UVRAG: variants seen among roughly 807,000 people sequenced by gnomAD.
UVRAG encodes the protein UV radiation resistance associated, also known as UV radiation resistance-associated gene protein.
UVRAG carries 19 observed loss-of-function variants against 78.0 expected under a neutral mutation model. The ratio of observed to expected loss-of-function variants is 0.24; its 90% CI spans 0.17 to 0.36. The LOEUF (loss-of-function observed/expected upper bound fraction) is 0.36, where lower values mean the gene tolerates loss of function less well. Ranked by LOEUF, UVRAG falls within the 10% of genes least tolerant of loss-of-function variation. The probability of loss-of-function intolerance (pLI) is 1.00; values close to 1 mark genes in which losing one functional copy is unlikely to be tolerated. For synonymous variants in UVRAG, 323 were observed against 324.6 expected (o/e 1.00, Z 0.05); for missense variants, 740 against 853.8 (o/e 0.87, Z 1.66).
At chr11:75,834,962 C>T (rs755611125) in intron 1 of UVRAG, among the ~76,000 whole-genome samples, 15 of 152,226 alleles carry the variant, frequency 9.9e-5, no homozygotes, top group Non-Finnish European at 1.6e-4. Context: ...ATGTGAGCCA[C>T]CATGCCCGAC....
intron 13 of UVRAG, among the ~76,000 whole-genome samples, chr11:76,067,746 A>G (rs1476252788): frequency 1.3e-5 from 2 of 151,886 alleles, no homozygotes; most frequent in African/African-American, 4.9e-5. Flanking sequence ...GTGACAGAGC[A>G]AGATTCTGTC....
intron 7 of UVRAG, among the ~76,000 whole-genome samples, chr11:75,963,892 C>T (rs114312065): frequency 0.013 from 1,983 of 152,218 alleles, 41 homozygotes; most frequent in African/African-American, 0.045. Context: ...AACTCCTGGC[C>T]TCAAGTGGTC....
intron 6 of UVRAG, among the ~76,000 whole-genome samples, chr11:75,918,903 C>CTGT (rs1396355221): frequency 6.6e-6 from 1 of 152,194 alleles, no homozygotes; most frequent in African/African-American, 2.4e-5. Flanking sequence ...GAGCCTTCAG[C>CTGT]TGTTGCTTTC....
intron 8 of UVRAG, among the ~76,000 whole-genome samples, chr11:75,990,925 C>T (rs547158927): frequency 2.6e-5 from 4 of 152,212 alleles, no homozygotes; most frequent in Admixed American, 1.3e-4. Flanking sequence ...ATGAAAGCAT[C>T]GTACTTATGC....
chr11:75,957,587 G>A (rs967985839), intron 6 of UVRAG, among the ~76,000 whole-genome samples: 1 of 151,820 alleles, frequency 6.6e-6, no homozygotes, highest in East Asian at 1.9e-4. Context: ...AAATCCTTTG[G>A]GACCGTGATT....
At chr11:75,948,747 C>A (rs763592948) in intron 6 of UVRAG, among the ~76,000 whole-genome samples, 5 of 151,988 alleles carry the variant, frequency 3.3e-5, no homozygotes, top group Non-Finnish European at 5.9e-5. Context: ...ATGAAAGGAA[C>A]TGTGTAGGCA....
intron 6 of UVRAG, among the ~76,000 whole-genome samples, chr11:75,919,489 T>C (rs1328256002): frequency 6.6e-6 from 1 of 151,356 alleles, no homozygotes; most frequent in Non-Finnish European, 1.5e-5. Flanking sequence ...TGTTATACTC[T>C]TTGATTCTGG....
intron 6 of UVRAG, chr11:75,916,050 A>G (rs1404816816): frequency 6.6e-6 from 1 of 152,194 alleles, no homozygotes; most frequent in Non-Finnish European, 1.5e-5. Flanking sequence ...TTTCAAAGAG[A>G]TAACTCTGTT....
chr11:76,001,155 CAG>C (rs1565113263), intron 8 of UVRAG, among the ~76,000 whole-genome samples: 1 of 152,100 alleles, frequency 6.6e-6, no homozygotes, highest in African/African-American at 2.4e-5. Context: ...CTCACCAAAA[CAG>C]AGTAAACTGG....
chr11:75,853,446 G>A (rs1946206626), intron 2 of UVRAG, among the ~76,000 whole-genome samples: 1 of 122,764 alleles, frequency 8.1e-6, no homozygotes, highest in Non-Finnish European at 1.6e-5. Context: ...TGCAACCTCC[G>A]CCTCCCTGGA....
Position 76,144,143 on chromosome 11 carries a change from C to T in UVRAG, c.*2730C>T, listed in dbSNP as rs545017129. Among the ~76,000 whole-genome samples, 3 of 152,182 alleles carry T rather than the reference C, an allele frequency of 2.0e-5. No individual in the cohort carries two copies. The highest frequency in any genetic ancestry group is 2.9e-5 in the Non-Finnish European group (2 of 68,010). ...ATTTAAATAATTTTTTAAACCACCACGAATAATAAATGGCATGTGAAACTG... is the reference window on the plus strand; with the variant it reads ...ATTTAAATAATTTTTTAAACCACCATGAATAATAAATGGCATGTGAAACTG... On this transcript the variant is annotated 3_prime_UTR_variant, in exon 15 of 15. Coordinates refer to ENST00000356136, the MANE Select transcript of UVRAG (RefSeq NM_003369.4).
intron 8 of UVRAG, among the ~76,000 whole-genome samples, chr11:75,990,686 C>T (rs1461249628): frequency 6.6e-6 from 1 of 152,132 alleles, no homozygotes; most frequent in African/African-American, 2.4e-5. Context: ...ACCAGGAAAC[C>T]ATCACTGGCT....
intron 7 of UVRAG, among the ~76,000 whole-genome samples, chr11:75,961,842 C>T (rs114524565): frequency 0.023 from 3,414 of 151,494 alleles, 123 homozygotes; most frequent in African/African-American, 0.078. Context: ...AACTATATAG[C>T]GAATGAAAAA....
At chr11:76,098,141 TAACTG>T (rs1345573146) in intron 13 of UVRAG, among the ~76,000 whole-genome samples, 1 of 152,140 alleles carries the variant, frequency 6.6e-6, no homozygotes, top group Non-Finnish European at 1.5e-5. Context: ...CATATAGTCT[TAACTG>T]AAAGAAGTTA....
chr11:76,040,844 C>T (rs1019929857), intron 12 of UVRAG, among the ~76,000 whole-genome samples: 1 of 151,706 alleles, frequency 6.6e-6, no homozygotes, highest in Non-Finnish European at 1.5e-5. Context: ...TGTGAGCCAC[C>T]GGGCCTGGCC....
intron 14 of UVRAG, chr11:76,137,442 T>G (rs756798081): frequency 1.6e-4 from 75 of 456,168 alleles, no homozygotes; most frequent in South Asian, 1.2e-3. Context: ...TTGTTCAACT[T>G]TTTTAAGATG....
intron 7 of UVRAG, among the ~76,000 whole-genome samples, chr11:75,965,325 A>T (rs185333409): frequency 2.1e-5 from 3 of 141,078 alleles, no homozygotes; most frequent in Non-Finnish European, 3.0e-5. Flanking sequence ...TATTTATTTA[A>T]TTTTGAGACG....
chr11:75,874,951 T>C lies in UVRAG; in HGVS notation c.271-4928T>C, dbSNP rs374540402. 2.6e-5 allele frequency among the ~76,000 whole-genome samples: 4 copies of C among 152,316 alleles called. No homozygotes were observed. The East Asian group carries it at 5.8e-4, about 22-fold the overall frequency. On this transcript the variant is annotated intron_variant, in intron 3 of 14. Transcript: ENST00000356136. ...CCATTCCACAAGCCAGTGGTTCTGT[T>C]TGGGTGACGGTCTGCTGCTGTTCCC...
intron 1 of UVRAG, among the ~76,000 whole-genome samples, chr11:75,837,831 G>C (rs1366354337): frequency 6.6e-6 from 1 of 152,054 alleles, no homozygotes; most frequent in African/African-American, 2.4e-5. Context: ...AATTATTTCA[G>C]CATTTCTTGA....
Sources: gnomAD v4.1 joint callset for allele counts (sites outside exome capture counted in the v4.1 genomes callset) on GRCh38, gnomAD v4.1.1 for gene constraint, MANE v1.5 for transcripts, NCBI Gene and HGNC (gene_info 2026-07-23, HGNC 2026-07-21) for gene names.